TAFA4: variants seen among roughly 807,000 people sequenced by gnomAD.
TAFA4 encodes the protein chemokine-like protein TAFA-4.
TAFA4 carries 20 observed loss-of-function variants against 21.1 expected under a neutral mutation model. The observed-to-expected ratio is 0.95, with a 90% CI of 0.67 to 1.38. TAFA4 has a LOEUF of 1.38. Ranked by LOEUF, TAFA4 falls within the 40% of genes most tolerant of loss-of-function variation. The probability of loss-of-function intolerance (pLI) is 0.00; values close to 1 mark genes in which losing one functional copy is unlikely to be tolerated. For synonymous variants in TAFA4, 71 were observed against 67.4 expected, an observed-to-expected ratio of 1.05 and a Z score of -0.26; for missense variants, 211 against 180.9, an observed-to-expected ratio of 1.17 and a Z score of -0.95.
In TAFA4 at chr3:68,875,518, T is replaced by C. The variant is rs532685438; in HGVS notation, c.130+5212A>G. On this transcript the variant is annotated intron_variant, in intron 3 of 5. Coordinates refer to ENST00000295569, the MANE Select transcript of TAFA4 (RefSeq NM_182522.5). The stretch of plus-strand genomic sequence containing the variant: ...CTTGCTCATAAAATAGTGTATGCTA[T>C]TGTGGAGTTGCCTGCATAGCAATAC... Among the ~76,000 whole-genome samples the C allele has an allele frequency of 2.4e-3, 358 of 152,250 alleles. 2 individuals are homozygous for C. The highest frequency in any genetic ancestry group is 8.3e-3 in the African/African-American group (344 of 41,546).
intron 1 of TAFA4, among the ~76,000 whole-genome samples, chr3:68,901,869 G>C (rs1333668423): frequency 6.6e-6 from 1 of 152,134 alleles, no homozygotes; most frequent in Non-Finnish European, 1.5e-5. Context: ...CTTTCAGTGG[G>C]CAAATCATTA....
chr3:68,909,042 A>G (rs907246046), intron 1 of TAFA4, among the ~76,000 whole-genome samples: 1 of 152,160 alleles, frequency 6.6e-6, no homozygotes, highest in African/African-American at 2.4e-5. Context: ...GAGGAACTGA[A>G]TTTTTAGTTT....
intron 1 of TAFA4, among the ~76,000 whole-genome samples, chr3:68,913,433 A>G (rs1206229756): frequency 1.3e-5 from 2 of 152,172 alleles, no homozygotes; most frequent in South Asian, 2.1e-4. Context: ...GCTGGCCATC[A>G]GGGAACAGAA....
chr3:68,838,912 C>A (rs1704587718), intron 3 of TAFA4, among the ~76,000 whole-genome samples: 1 of 152,100 alleles, frequency 6.6e-6, no homozygotes, highest in Admixed American at 6.5e-5. Flanking sequence ...GCCTGGGCAA[C>A]ATGGTGAAAC....
At position 68,738,944 on chromosome 3, in the gene TAFA4, C is replaced by T. The variant is rs558105721; in HGVS notation, c.411+131G>A. On this transcript the variant is annotated intron_variant, in intron 5 of 5. Coordinates refer to ENST00000295569, the MANE Select transcript of TAFA4 (RefSeq NM_182522.5). ...ATGCGCTTTTCAAAAAGGCCAAATC[C>T]GTAAGGTAGCACTGCCCAAGCAGGT... 9.0e-5 allele frequency: 118 copies of T among 1,305,874 alleles called. No homozygotes were observed. The Middle Eastern group carries it at 1.5e-3, about 17-fold the overall frequency. 80.9% of individuals were successfully genotyped at this position (1,305,874 alleles called of 1,614,324 possible). A position where few individuals can be genotyped will look rare whatever the true frequency, so the allele number is the denominator to read the frequency against.
chr3:68,879,708 C>G (rs1446901759), intron 3 of TAFA4, among the ~76,000 whole-genome samples: 1 of 152,170 alleles, frequency 6.6e-6, no homozygotes, highest in Non-Finnish European at 1.5e-5. Flanking sequence ...TAAAAATTAT[C>G]TTGAGCCTTA....
At chr3:68,889,346 C>T (rs961993930) in intron 1 of TAFA4, among the ~76,000 whole-genome samples, 1 of 152,164 alleles carries the variant, frequency 6.6e-6, no homozygotes, top group Non-Finnish European at 1.5e-5. Context: ...GCCCATTCTT[C>T]AAATGTTTAA....
At chr3:68,862,882 A>C (rs902679311) in intron 3 of TAFA4, among the ~76,000 whole-genome samples, 1 of 100,696 alleles carries the variant, frequency 9.9e-6, no homozygotes, top group Admixed American at 9.3e-5. Context: ...CACACACACA[A>C]TCATTTTGCT....
intron 3 of TAFA4, among the ~76,000 whole-genome samples, chr3:68,766,637 A>G (rs2106775718): frequency 6.6e-6 from 1 of 152,236 alleles, no homozygotes; most frequent in East Asian, 1.9e-4. Flanking sequence ...GAAACAATCC[A>G]GATGTCCCCG....
intron 3 of TAFA4, among the ~76,000 whole-genome samples, chr3:68,753,339 T>TTTG (rs1389910892): frequency 6.8e-6 from 1 of 147,638 alleles, no homozygotes; most frequent in East Asian, 2.0e-4. Flanking sequence ...ATAGAGTTTT[T>TTTG]TTTTTTTTTT....
rs1257220272 is a variant in TAFA4 at position 68,732,952 on chromosome 3, A to G, written c.*190T>C. ...GGTGGTGGCTTGTGGTTATAATTCA[A>G]TGAAATAAAATCACGAAGCAGAGAG... On this transcript the variant is annotated 3_prime_UTR_variant, in exon 6 of 6. Coordinates refer to ENST00000295569, the MANE Select transcript of TAFA4 (RefSeq NM_182522.5). The G allele has an allele frequency of 7.9e-6, 5 of 634,446 alleles. No homozygotes were observed. Among genetic ancestry groups the G allele is most frequent in the Middle Eastern group, 2.6e-4 (1 of 3,852 alleles). The allele number at this position is 634,446 out of a possible 1,614,324, so 39.3% of individuals were successfully genotyped here. A position where few individuals can be genotyped will look rare whatever the true frequency, so the allele number is the denominator to read the frequency against.
intron 3 of TAFA4, among the ~76,000 whole-genome samples, chr3:68,846,182 G>A (rs1400288386): frequency 6.6e-6 from 1 of 151,904 alleles, no homozygotes; most frequent in Non-Finnish European, 1.5e-5. Flanking sequence ...TTCTCACATA[G>A]TCCCAGATTT....
intron 3 of TAFA4, among the ~76,000 whole-genome samples, chr3:68,788,353 G>A (rs568672876): frequency 2.6e-5 from 4 of 152,114 alleles, no homozygotes; most frequent in Non-Finnish European, 5.9e-5. Flanking sequence ...AGATATCATC[G>A]GGCTGGCTCC....
chr3:68,817,632 C>T (rs917555778), intron 3 of TAFA4, among the ~76,000 whole-genome samples: 1 of 152,110 alleles, frequency 6.6e-6, no homozygotes, highest in Non-Finnish European at 1.5e-5. Context: ...ATTCCTTGGT[C>T]CATGGACTGC....
intron 3 of TAFA4, among the ~76,000 whole-genome samples, chr3:68,859,373 G>A (rs2089300726): frequency 6.6e-6 from 1 of 152,006 alleles, no homozygotes; most frequent in Non-Finnish European, 1.5e-5. Flanking sequence ...CACTTAACCT[G>A]TTTCTTAATT....
chr3:68,764,788 C>T (rs1702817503), intron 3 of TAFA4, among the ~76,000 whole-genome samples: 1 of 152,116 alleles, frequency 6.6e-6, no homozygotes, highest in Non-Finnish European at 1.5e-5. Context: ...AGTGGCTCCC[C>T]ATGCTCAGTC....
chr3:68,887,344 C>A (rs1326715725), intron 1 of TAFA4, among the ~76,000 whole-genome samples: 1 of 152,120 alleles, frequency 6.6e-6, no homozygotes, highest in East Asian at 1.9e-4. Flanking sequence ...GCAGCCCTGC[C>A]CCTGTGGCTT....
At chr3:68,755,021 A>G (rs1304608069) in intron 3 of TAFA4, among the ~76,000 whole-genome samples, 1 of 152,122 alleles carries the variant, frequency 6.6e-6, no homozygotes, top group African/African-American at 2.4e-5. Flanking sequence ...CCGAATCTCA[A>G]TGTGTAGGTT....
chr3:68,856,720 A>G (rs1032544372), intron 3 of TAFA4, among the ~76,000 whole-genome samples: 6 of 152,166 alleles, frequency 3.9e-5, no homozygotes, highest in African/African-American at 1.4e-4. Context: ...TAGCTTCCAC[A>G]TTCATATGGA....
Sources: gnomAD v4.1 joint callset for allele counts (sites outside exome capture counted in the v4.1 genomes callset) on GRCh38, gnomAD v4.1.1 for gene constraint, MANE v1.5 for transcripts, NCBI Gene and HGNC (gene_info 2026-07-23, HGNC 2026-07-21) for gene names.